Variants in TRAF7 observed in about 807,000 individuals in gnomAD.
TRAF7 encodes the protein E3 ubiquitin-protein ligase TRAF7.
TRAF7 carries 45 observed loss-of-function variants against 89.3 expected under a neutral mutation model. The observed-to-expected ratio is 0.50, with a 90% CI of 0.40 to 0.65. The LOEUF is 0.65. TRAF7 is among the 30% of genes least tolerant of loss of function. The pLI is 0.00. For missense variants in TRAF7, 677 were observed against 918.1 expected (o/e 0.74, Z 3.39); for synonymous variants, 406 against 369.2 (o/e 1.10, Z -1.14).
chr16:2,164,157 T>TGCGCGCGC (rs1264547649), intron 2 of TRAF7, among the ~76,000 whole-genome samples, 156 bp downstream of exon 2: 4 of 126,450 alleles, frequency 3.2e-5, no homozygotes, highest in Non-Finnish European at 3.4e-5. Flanking sequence ...TGTGTGTGTG[T>TGCGCGCGC]GTGCGCGCGC....
intron 20 of TRAF7, 47 bp from the exon 21 acceptor site, chr16:2,176,513 G>A: frequency 3.1e-6 from 5 of 1,613,020 alleles, no homozygotes; most frequent in Non-Finnish European, 3.4e-6. Context: ...GCTGGGGCAG[G>A]GCAGCCGGCC....
intron 13 of TRAF7, 65 bp downstream of exon 13, chr16:2,174,113 C>T: frequency 1.2e-6 from 2 of 1,604,962 alleles, no homozygotes; most frequent in Non-Finnish European, 1.7e-6. Flanking sequence ...ATGCCTGGCA[C>T]TGCCAGCCTG....
intron 18 of TRAF7, 28 bp downstream of exon 18, chr16:2,175,981 C>A (rs2141298112): frequency 6.2e-7 from 1 of 1,612,570 alleles, no homozygotes; most frequent in Non-Finnish European, 8.5e-7. Flanking sequence ...GGGTGCAAGG[C>A]CAGACTGTGG....
intron 15 of TRAF7, 68 bp downstream of exon 15, chr16:2,175,218 G>A: frequency 6.2e-7 from 1 of 1,612,770 alleles, no homozygotes; most frequent in Non-Finnish European, 8.5e-7. Flanking sequence ...AGGTGCCCCA[G>A]GGACGTGTTT....
intron 4 of TRAF7, among the ~76,000 whole-genome samples, chr16:2,170,128 G>T (rs1332598234): frequency 6.6e-6 from 1 of 152,178 alleles, no homozygotes; most frequent in Non-Finnish European, 1.5e-5. Flanking sequence ...CCTCCCAGCT[G>T]GGCCTGGTGT....
In TRAF7 at chr16:2,156,569, A is replaced by T. The variant is rs540858132; in HGVS notation, c.-39+711A>T. Among the ~76,000 whole-genome samples the T allele has an allele frequency of 4.6e-5, 7 of 152,160 alleles. No homozygotes were observed. The South Asian group carries it at 1.5e-3, about 32-fold the overall frequency. On this transcript the variant is annotated intron_variant, in intron 1 of 20. Transcript: ENST00000326181. Reference sequence around the variant, plus strand: ...CTACCGTTAGCCAAAGGCCTGTTGGAGAAGCAGCCAGTCCCAGGACATGCA... The same window carrying T: ...CTACCGTTAGCCAAAGGCCTGTTGGTGAAGCAGCCAGTCCCAGGACATGCA...
At position 2,173,368 on chromosome 16, in the gene TRAF7, C is replaced by T. The variant is rs1456334083; in HGVS notation, c.981C>T (p.Asp327=). Residue 327 remains aspartate (D), a synonymous_variant, in exon 10 of 21, where the codon GAC becomes GAT. Coordinates refer to ENST00000326181, the MANE Select transcript of TRAF7 (RefSeq NM_032271.3). ...TGGGAAAGCTCTCGGAGAAGATCGACCAGCTAGAGAAGAGCCTGGAGCTCA... is the reference window on the plus strand; with the variant it reads ...TGGGAAAGCTCTCGGAGAAGATCGATCAGCTAGAGAAGAGCCTGGAGCTCA... The part of the protein sequence containing the change: ...SMLGKLSEKI[D]QLEKSLELKF... The T allele has an allele frequency of 1.9e-6, 3 of 1,613,558 alleles. No homozygotes were observed. In the African/African-American group the frequency reaches 4.0e-5, roughly 22 times the overall value.
In TRAF7 at chr16:2,164,001, G is replaced by T. The variant is rs942375117; in HGVS notation, c.81G>T (p.Gly27=). The T allele has an allele frequency of 3.7e-6, 6 of 1,609,992 alleles. No individual in the cohort carries two copies. Among genetic ancestry groups the T allele is most frequent in the Admixed American group, 3.4e-5 (2 of 59,680 alleles). ...TTCCCACCCCAGACGTCACCACAGG[G>T]GTAAGGGTGTGCCCCTCTGCAAGCC... ...SNLPTPDVTT[G]TRMETTFGPA... The change falls in exon 2 of 21, where the codon GGG becomes GGT. Residue 27 remains glycine, a splice_region_variant and synonymous_variant. Coordinates refer to ENST00000326181, the MANE Select transcript of TRAF7 (RefSeq NM_032271.3).
chr16:2,164,149 TGTGTGTGTGTGCGCGCGCGCGCGCGCGC>T (rs1309636073), intron 2 of TRAF7, 148 bp downstream of exon 2: 1 of 556,670 alleles, frequency 1.8e-6, no homozygotes, highest in Middle Eastern at 4.8e-4. Context: ...GGTGTGTGTG[TGTGTGTGTGTGCGCGCGCGCGCGCGCGC>T]GCGCACGCGT....
intron 2 of TRAF7, among the ~76,000 whole-genome samples, chr16:2,165,437 GT>G (rs1481746304): frequency 1.5e-5 from 2 of 135,490 alleles, no homozygotes; most frequent in Non-Finnish European, 3.1e-5. Context: ...GGTTAAGCGT[GT>G]TAGTGCTGCG....
chr16:2,177,765 CAGG>C lies in TRAF7; in HGVS notation c.*1199_*1201del, dbSNP rs2093146056. 4.1e-6 allele frequency: 1 copy of C among 244,498 alleles called. No homozygotes were observed. The highest frequency in any genetic ancestry group is 8.1e-6 in the Non-Finnish European group (1 of 124,088). The allele number at this position is 244,498 out of a possible 1,614,324, so 15.1% of individuals were successfully genotyped here. A position where few individuals can be genotyped will look rare whatever the true frequency, so the allele number is the denominator to read the frequency against. On this transcript the variant is annotated 3_prime_UTR_variant, in exon 21 of 21. Transcript: ENST00000326181. ...CCCGCGCCCTGGGACGCAGCCACGC[CAGG>C]AGGAGGACACGGCCGCCGAGAGCAA...
At position 2,176,685 on chromosome 16, in the gene TRAF7, G is replaced by A; in HGVS notation, c.*111G>A. 1 of 1,538,430 alleles carries A rather than the reference G, an allele frequency of 6.5e-7. No homozygotes were observed. The highest frequency in any genetic ancestry group is 8.9e-7 in the Non-Finnish European group (1 of 1,120,636). On this transcript the variant is annotated 3_prime_UTR_variant, in exon 21 of 21. Coordinates refer to ENST00000326181, the MANE Select transcript of TRAF7 (RefSeq NM_032271.3). The stretch of plus-strand genomic sequence containing the variant: ...TTCTGCCTGCCCCGTGGGCATAGGT[G>A]GACAGGCTCTGGCAGCCGGGCAGTG...
chr16:2,177,267 C>G lies in TRAF7; in HGVS notation c.*693C>G, dbSNP rs1186079398. On this transcript the variant is annotated 3_prime_UTR_variant, in exon 21 of 21. Transcript: ENST00000326181. ...CTGCTGGAGCCCAGCCTGTGCCGCC[C>G]TCTGAGGAGAGGCCTGGGGGGACAG... The G allele has an allele frequency of 4.2e-6, 1 of 240,118 alleles. No individual in the cohort carries two copies. Among genetic ancestry groups the G allele is most frequent in the Admixed American group, 5.1e-5 (1 of 19,730 alleles). 14.9% of individuals were successfully genotyped at this position (240,118 alleles called of 1,614,324 possible).
rs555538633 is a variant in TRAF7, at chr16:2,163,329, G to C, written c.-38-554G>C. ...TGCGGTTTGTGTGGAGTTGGGCTCC[G>C]GTGACTCACCCTGCAGGTTCTTTCT... is the stretch of plus-strand genomic sequence containing the variant. On this transcript the variant is annotated intron_variant, in intron 1 of 20. Coordinates refer to ENST00000326181, the MANE Select transcript of TRAF7 (RefSeq NM_032271.3). The surrounding 1 kb of genome is among the most constrained non-coding windows in gnomAD (Gnocchi z 4.3). 9.8e-4 allele frequency among the ~76,000 whole-genome samples: 150 copies of C among 152,328 alleles called. 1 individual carries two copies. Among genetic ancestry groups the C allele is most frequent in the African/African-American group, 3.5e-3 (146 of 41,582 alleles).
chr16:2,171,252 G>C lies in TRAF7; in HGVS notation c.349-12G>C. 6.5e-7 allele frequency: 1 copy of C among 1,539,612 alleles called. No homozygotes were observed. The highest frequency in any genetic ancestry group is 8.8e-7 in the Non-Finnish European group (1 of 1,142,496). On this transcript the variant is annotated splice_polypyrimidine_tract_variant and intron_variant, in intron 5 of 20. Transcript: ENST00000326181. ...CCTCCCGCCATCGCCTGCCTTTCCC[G>C]CTTGGTTCCAGGAGCCACTGGTGTT...
chr16:2,170,476 A>C (rs558419388), intron 4 of TRAF7, 138 bp from the exon 5 acceptor site: 1 of 645,136 alleles, frequency 1.6e-6, no homozygotes, highest in South Asian at 1.8e-5. Flanking sequence ...GCCCCCGTGG[A>C]CGAGGAGAGT....
At position 2,177,600 on chromosome 16, in the gene TRAF7, G is replaced by A; in HGVS notation, c.*1026G>A. 4.2e-6 allele frequency: 1 copy of A among 237,250 alleles called. No homozygotes were observed. The highest frequency in any genetic ancestry group is 1.3e-3 in the Middle Eastern group (1 of 792). The allele number at this position is 237,250 out of a possible 1,614,324, so 14.7% of individuals were successfully genotyped here. On this transcript the variant is annotated 3_prime_UTR_variant, in exon 21 of 21. Coordinates refer to ENST00000326181, the MANE Select transcript of TRAF7 (RefSeq NM_032271.3). ...AGAAGCGTCCGTGGGAACTCCACTGGGGTGGATGGGCTGCCTGCACAGCCC... is the reference window on the plus strand; with the variant it reads ...AGAAGCGTCCGTGGGAACTCCACTGAGGTGGATGGGCTGCCTGCACAGCCC...
Position 2,175,132 on chromosome 16 carries a change from T to A in TRAF7, c.1368T>A (p.Ser456=). 1 of 1,613,748 alleles carries A rather than the reference T, an allele frequency of 6.2e-7. No individual in the cohort carries two copies. The change falls in exon 15 of 21, where the codon TCT becomes TCA. Residue 456 remains serine (S), a synonymous_variant. Coordinates refer to ENST00000326181, the MANE Select transcript of TRAF7 (RefSeq NM_032271.3). ...CCAGGTGCAAACTCTACAGCGGCTC[T>A]GCAGACTGCACCATCATTGTGAGTG... ...CIQGCKLYSG[S]ADCTIIVWDI... is the part of the protein sequence containing the mutation.
At chr16:2,164,660 G>T (rs35818) in intron 2 of TRAF7, among the ~76,000 whole-genome samples, 15 of 122,422 alleles carry the variant, frequency 1.2e-4, no homozygotes, top group African/African-American at 3.2e-4. Context: ...TTAAGCGTGT[G>T]AGTGCTGTGT....
Sources: gnomAD v4.1 joint callset for allele counts (sites outside exome capture counted in the v4.1 genomes callset) on GRCh38, gnomAD v4.1.1 for gene constraint, Gnocchi (gnomAD v3.1) non-coding constraint, MANE v1.5 for transcripts, NCBI Gene and HGNC (gene_info 2026-07-23, HGNC 2026-07-21) for gene names.